ZGRF1: variants seen among roughly 807,000 people sequenced by gnomAD.
ZGRF1 encodes zinc finger GRF-type containing 1, also known as 5'-3' DNA helicase ZGRF1.
Under a neutral mutation model 203.5 loss-of-function variants are expected in ZGRF1, and 196 were observed. The observed-to-expected ratio is 0.96, with a 90% confidence interval of 0.86 to 1.08. The LOEUF is 1.08. Ranked by LOEUF, ZGRF1 falls within the 50% of genes least tolerant of loss-of-function variation. ZGRF1 has a pLI of 0.00. For missense variants in ZGRF1, 2,326 were observed against 2,416.3 expected (o/e 0.96, Z 0.78); for synonymous variants, 809 against 841.3 (o/e 0.96, Z 0.66).
At chr4:112,612,724 G>C in intron 6 of ZGRF1, 136 bp from the exon 7 acceptor site, 1 of 565,484 alleles carries the variant, frequency 1.8e-6, no homozygotes, top group South Asian at 2.5e-5. Flanking sequence ...GTTCAATCTG[G>C]AATGTAGCAC....
intron 16 of ZGRF1, among the ~76,000 whole-genome samples, chr4:112,577,250 G>A (rs1578335871): frequency 8.2e-6 from 1 of 122,512 alleles, no homozygotes; most frequent in Non-Finnish European, 1.8e-5. Flanking sequence ...TCACCACCAG[G>A]CCTGCCCTAA....
At chr4:112,625,305 C>T (rs897861115) in intron 3 of ZGRF1, among the ~76,000 whole-genome samples, 2 of 151,146 alleles carry the variant, frequency 1.3e-5, no homozygotes, top group African/African-American at 2.4e-5. Context: ...AAAAGAAAAT[C>T]GCCAGGCGCG....
At chr4:112,620,414 T>C (rs1161199084) in intron 4 of ZGRF1, among the ~76,000 whole-genome samples, 1 of 152,234 alleles carries the variant, frequency 6.6e-6, no homozygotes, top group Non-Finnish European at 1.5e-5. Context: ...GATTTGTTTA[T>C]TCAACAACAC....
chr4:112,573,082 G>A (rs760674669), intron 16 of ZGRF1, among the ~76,000 whole-genome samples: 4 of 151,204 alleles, frequency 2.6e-5, no homozygotes, highest in Non-Finnish European at 4.4e-5. Context: ...ATACTTACAC[G>A]TTTATAGCAG....
intron 22 of ZGRF1, among the ~76,000 whole-genome samples, chr4:112,550,518 T>C (rs1739746861): frequency 6.6e-6 from 1 of 152,130 alleles, no homozygotes; most frequent in Admixed American, 6.6e-5. Flanking sequence ...AGAAAAAATT[T>C]TAAAATAAAT....
rs2047005564 is a variant in ZGRF1, at chr4:112,619,787, G to C, written c.352-97C>G. On this transcript the variant is annotated intron_variant, in intron 5 of 27. Transcript: ENST00000505019. ...AAAAAAAGGAGAAGGATTGTTTCTGGTTTGCCTAAGGTAAAGTAATAATTC... is the reference window on the plus strand; with the variant it reads ...AAAAAAAGGAGAAGGATTGTTTCTGCTTTGCCTAAGGTAAAGTAATAATTC... 3.7e-6 allele frequency: 4 copies of C among 1,085,758 alleles called. No individual in the cohort carries two copies. The South Asian group carries it at 6.8e-5, about 19-fold the overall frequency. The allele number at this position is 1,085,758 out of a possible 1,614,324, so 67.3% of individuals were successfully genotyped here.
rs774975984 is a variant in ZGRF1, at chr4:112,560,904, G to A, written c.4789C>T (p.Leu1597Phe). Residue 1597 changes from leucine (L) to phenylalanine (F), a missense_variant, in exon 19 of 28, where the codon CTC becomes TTC. Transcript: ENST00000505019. ...FTNVSTKFEL[L>F]SLGATLKLAS... is the part of the protein sequence containing the mutation. ...AACTTCAATGTTGCTCCTAGGCTGA[G>A]TAGTTCAAATTTTGTACTGACATTT... 14 of 1,613,494 alleles carry A rather than the reference G, an allele frequency of 8.7e-6. No individual in the cohort carries two copies. The highest frequency in any genetic ancestry group is 1.2e-5 in the Non-Finnish European group (14 of 1,179,640).
In ZGRF1 at chr4:112,613,772, T is replaced by C. The variant is rs771300625; in HGVS notation, c.2603-1184A>G. On this transcript the variant is annotated intron_variant, in intron 6 of 27. Coordinates refer to ENST00000505019, the MANE Select transcript of ZGRF1 (RefSeq NM_018392.5). ...ACCTTATCAGGTATCCATTTAAAAA[T>C]AGAAATTTTTTTTCTTAAAAAAAAG... 1.5e-4 allele frequency among the ~76,000 whole-genome samples: 23 copies of C among 152,236 alleles called. No homozygotes were observed. The South Asian group carries it at 1.7e-3, about 11-fold the overall frequency.
intron 6 of ZGRF1, among the ~76,000 whole-genome samples, chr4:112,614,960 T>C (rs765803731): frequency 1.3e-5 from 2 of 152,182 alleles, no homozygotes; most frequent in African/African-American, 4.8e-5. Flanking sequence ...CTGTTGGCTA[T>C]GAGTGAGTTT....
intron 16 of ZGRF1, among the ~76,000 whole-genome samples, chr4:112,576,796 G>A (rs946990504): frequency 7.9e-5 from 12 of 152,152 alleles, no homozygotes; most frequent in South Asian, 2.1e-4. Flanking sequence ...CCAAATCTAC[G>A]TCTGATTGGT....
intron 8 of ZGRF1, among the ~76,000 whole-genome samples, chr4:112,608,356 T>A (rs1211274934): frequency 6.6e-6 from 1 of 152,238 alleles, no homozygotes; most frequent in East Asian, 1.9e-4. Flanking sequence ...TGGTGGCTCA[T>A]GCCTGTAATC....
chr4:112,619,639 C>T lies in ZGRF1; in HGVS notation c.403G>A (p.Gly135Ser). ...VPKKMVIMES[G>S]ESAASHEAKK... ...GCCTCATGTGATGCAGCTGATTCAC[C>T]ACTTTCCATAATAACCATTTTCTTT... The change falls in exon 6 of 28, where the codon GGT (glycine) becomes AGT (serine). Residue 135 changes from glycine to serine, a missense_variant. Gly to Ser is a moderately conservative substitution (Grantham distance 56). Coordinates refer to ENST00000505019, the MANE Select transcript of ZGRF1 (RefSeq NM_018392.5). 1.2e-6 allele frequency: 2 copies of T among 1,612,634 alleles called. No individual in the cohort carries two copies. Among genetic ancestry groups the T allele is most frequent in the South Asian group, 1.1e-5 (1 of 90,640 alleles).
At chr4:112,553,773 A>C in intron 22 of ZGRF1, 62 bp downstream of exon 22, 4 of 1,404,574 alleles carry the variant, frequency 2.8e-6, no homozygotes, top group Non-Finnish European at 3.9e-6. Flanking sequence ...TCATCAACAG[A>C]AATAAGAGAA....
At chr4:112,600,218 G>A (rs191445998) in intron 10 of ZGRF1, among the ~76,000 whole-genome samples, 1 of 152,018 alleles carries the variant, frequency 6.6e-6, no homozygotes, top group Admixed American at 6.5e-5. Flanking sequence ...TTTTTTTGTA[G>A]GGACCGAGTC....
At chr4:112,571,759 T>A (rs1396517803) in intron 16 of ZGRF1, among the ~76,000 whole-genome samples, 1 of 152,104 alleles carries the variant, frequency 6.6e-6, no homozygotes, top group Non-Finnish European at 1.5e-5. Flanking sequence ...TCCCAACAAG[T>A]TTTTCATGAA....
intron 16 of ZGRF1, among the ~76,000 whole-genome samples, chr4:112,566,343 G>T (rs1743071964): frequency 8.7e-6 from 1 of 114,452 alleles, no homozygotes; most frequent in Non-Finnish European, 1.7e-5. Flanking sequence ...ACTGTTGTGG[G>T]GTGGGGGGAG....
Position 112,612,508 on chromosome 4 carries a change from G to T in ZGRF1, c.2667+16C>A. 6.5e-7 allele frequency: 1 copy of T among 1,536,974 alleles called. No individual in the cohort carries two copies. The highest frequency in any genetic ancestry group is 8.9e-7 in the Non-Finnish European group (1 of 1,122,812). On this transcript the variant is annotated intron_variant, in intron 7 of 27. Transcript: ENST00000505019. ...TCAAAATAAAAAAAACATACTCTTA[G>T]AAAAAAAACCTGTACCTGTTGAGAA...
intron 16 of ZGRF1, among the ~76,000 whole-genome samples, chr4:112,575,413 GTGT>G (rs1470690544): frequency 6.6e-6 from 1 of 152,136 alleles, no homozygotes; most frequent in Non-Finnish European, 1.5e-5. Context: ...TCACTGGGGA[GTGT>G]TGGACAGTGG....
intron 13 of ZGRF1, among the ~76,000 whole-genome samples, chr4:112,586,026 C>G (rs1747128035): frequency 6.6e-6 from 1 of 151,896 alleles, no homozygotes; most frequent in African/African-American, 2.4e-5. Context: ...TTGCTTGAGC[C>G]CCCTAGGGGT....
Sources: gnomAD v4.1 joint callset for allele counts (sites outside exome capture counted in the v4.1 genomes callset) on GRCh38, gnomAD v4.1.1 for gene constraint, MANE v1.5 for transcripts, NCBI Gene and HGNC (gene_info 2026-07-23, HGNC 2026-07-21) for gene names.